ARHGAP26: variants seen among roughly 807,000 people sequenced by gnomAD.
The protein encoded by ARHGAP26 is Rho GTPase activating protein 26, also known as rho GTPase-activating protein 26.
Under a neutral mutation model 104.8 loss-of-function variants are expected in ARHGAP26, and 38 were observed. The observed-to-expected ratio is 0.36, with a 90% CI of 0.28 to 0.48. The LOEUF (loss-of-function observed/expected upper bound fraction) is 0.48. Among genes scored for constraint, ARHGAP26 ranks in the 20% least tolerant of loss-of-function variants. The pLI is 0.99. For synonymous variants in ARHGAP26, 341 were observed against 340.0 expected, an observed-to-expected ratio of 1.00 and a Z score of -0.03; for missense variants, 704 against 947.9, an observed-to-expected ratio of 0.74 and a Z score of 3.38.
At chr5:142,929,380 A>G (rs1007701998) in intron 10 of ARHGAP26, among the ~76,000 whole-genome samples, 2 of 152,244 alleles carry the variant, frequency 1.3e-5, no homozygotes, top group African/African-American at 4.8e-5. Flanking sequence ...AGGAACTGAC[A>G]TGGAAAGTGG....
chr5:142,882,458 C>G (rs1339503317), intron 4 of ARHGAP26, among the ~76,000 whole-genome samples: 1 of 152,126 alleles, frequency 6.6e-6, no homozygotes, highest in Non-Finnish European at 1.5e-5. Flanking sequence ...TGTTCTGTGC[C>G]CTGATATTTG....
intron 14 of ARHGAP26, among the ~76,000 whole-genome samples, chr5:143,043,421 A>C (rs188938841): frequency 7.6e-4 from 115 of 152,298 alleles, no homozygotes; most frequent in Non-Finnish European, 1.4e-3. Context: ...GTATGGATGT[A>C]CTGCACTTTG....
intron 20 of ARHGAP26, among the ~76,000 whole-genome samples, chr5:143,177,793 C>T (rs772391620): frequency 3.3e-5 from 5 of 152,070 alleles, no homozygotes; most frequent in Non-Finnish European, 5.9e-5. Flanking sequence ...TAAGCTGTAA[C>T]GTAGGTCAGG....
chr5:143,106,542 A>G (rs1794047485), intron 17 of ARHGAP26, among the ~76,000 whole-genome samples: 1 of 130,880 alleles, frequency 7.6e-6, no homozygotes, highest in African/African-American at 2.9e-5. Context: ...GTGCAACGTC[A>G]GCTCATGGCA....
At chr5:143,166,140 T>G in intron 20 of ARHGAP26, 1 of 1,273,040 alleles carries the variant, frequency 7.9e-7, no homozygotes, top group Non-Finnish European at 1.0e-6. Context: ...CATATCTCAA[T>G]TAAAGAATAA....
chr5:143,156,969 A>G (rs1228291732), intron 20 of ARHGAP26, among the ~76,000 whole-genome samples: 1 of 152,166 alleles, frequency 6.6e-6, no homozygotes, highest in Non-Finnish European at 1.5e-5. Flanking sequence ...AGATGTTTTT[A>G]TTGTTTATCT....
chr5:143,093,941 T>A (rs1370930459), intron 17 of ARHGAP26, among the ~76,000 whole-genome samples: 17 of 152,132 alleles, frequency 1.1e-4, no homozygotes, highest in Admixed American at 1.1e-3. Flanking sequence ...TTTTTGAGGT[T>A]CAACGCACCC....
At chr5:143,221,065 C>A (rs1337029413) in intron 22 of ARHGAP26, among the ~76,000 whole-genome samples, 1 of 152,186 alleles carries the variant, frequency 6.6e-6, no homozygotes, top group East Asian at 1.9e-4. Flanking sequence ...AAATGTCCTG[C>A]CTCACTGCAG....
At chr5:142,900,775 T>G (rs1449558445) in intron 6 of ARHGAP26, among the ~76,000 whole-genome samples, 1 of 152,130 alleles carries the variant, frequency 6.6e-6, no homozygotes, top group Non-Finnish European at 1.5e-5. Flanking sequence ...AAAAAATCAT[T>G]TAGGGACTGA....
At chr5:143,153,380 A>T (rs761240121) in intron 20 of ARHGAP26, among the ~76,000 whole-genome samples, 1 of 152,136 alleles carries the variant, frequency 6.6e-6, no homozygotes, top group African/African-American at 2.4e-5. Context: ...GGGCTGATCC[A>T]CCTCCAAGGA....
In ARHGAP26 at chr5:142,923,763, C is replaced by G. The variant is rs79344774; in HGVS notation, c.1029-8284C>G. Reference sequence around the variant, plus strand: ...CCTACTTTTTAGACTATTATTATTGCTATGATCCTAATTATTTTAGGAACA... The same window carrying G: ...CCTACTTTTTAGACTATTATTATTGGTATGATCCTAATTATTTTAGGAACA... On this transcript the variant is annotated intron_variant, in intron 10 of 22. Coordinates refer to ENST00000645722, the MANE Select transcript of ARHGAP26 (RefSeq NM_001135608.3). Among the ~76,000 whole-genome samples, 404 of 151,540 alleles carry G rather than the reference C, an allele frequency of 2.7e-3. 9 individuals are homozygous for G. In the East Asian group the frequency reaches 0.044, roughly 17 times the overall value.
intron 17 of ARHGAP26, among the ~76,000 whole-genome samples, chr5:143,079,007 G>A (rs1394229144): frequency 6.6e-6 from 1 of 152,230 alleles, no homozygotes; most frequent in East Asian, 1.9e-4. Context: ...GATCAGTAAA[G>A]GATAATATTG....
At chr5:143,024,366 C>G (rs995034396) in intron 12 of ARHGAP26, among the ~76,000 whole-genome samples, 3 of 152,080 alleles carry the variant, frequency 2.0e-5, no homozygotes, top group Admixed American at 6.5e-5. Flanking sequence ...GTGTATGCCT[C>G]TGCCATGGCC....
intron 17 of ARHGAP26, among the ~76,000 whole-genome samples, chr5:143,059,800 T>G (rs190740083): frequency 6.6e-6 from 1 of 152,376 alleles, no homozygotes; most frequent in Admixed American, 6.5e-5. Flanking sequence ...GATCATTTAA[T>G]TATCAAGAAA....
intron 14 of ARHGAP26, among the ~76,000 whole-genome samples, chr5:143,050,252 T>C (rs1388739604): frequency 6.6e-6 from 1 of 152,280 alleles, no homozygotes; most frequent in Admixed American, 6.5e-5. Context: ...TAAAAATTTG[T>C]GTCCCTTTTT....
chr5:143,033,026 A>G (rs1281533203), intron 12 of ARHGAP26, among the ~76,000 whole-genome samples: 2 of 152,244 alleles, frequency 1.3e-5, no homozygotes, highest in Non-Finnish European at 2.9e-5. Flanking sequence ...ACACAGTGTT[A>G]TCTGTTTATA....
At chr5:142,977,043 C>T (rs1773196401) in intron 11 of ARHGAP26, among the ~76,000 whole-genome samples, 1 of 152,194 alleles carries the variant, frequency 6.6e-6, no homozygotes. Flanking sequence ...TGACTGAGGC[C>T]ACTCCTGAGT....
At chr5:142,988,486 C>T (rs199923807) in intron 11 of ARHGAP26, among the ~76,000 whole-genome samples, 39,011 of 151,720 alleles carry the variant, frequency 0.26, 5,388 homozygotes, top group East Asian at 0.47. Flanking sequence ...GTGTCTCTGT[C>T]TCCTCCAGTT....
At chr5:142,994,636 T>C (rs1216189063) in intron 11 of ARHGAP26, among the ~76,000 whole-genome samples, 3 of 152,194 alleles carry the variant, frequency 2.0e-5, no homozygotes, top group East Asian at 3.8e-4. Flanking sequence ...AATCCAGTTA[T>C]TGTCACCTGA....
Sources: gnomAD v4.1 joint callset for allele counts (sites outside exome capture counted in the v4.1 genomes callset) on GRCh38, gnomAD v4.1.1 for gene constraint, MANE v1.5 for transcripts, NCBI Gene and HGNC (gene_info 2026-07-23, HGNC 2026-07-21) for gene names.